The following EBF1 variants were observed in gnomAD, a reference collection of about 807,000 sequenced individuals.
EBF1 encodes the protein transcription factor COE1.
EBF1 carries 10 observed loss-of-function variants against 68.4 expected under a neutral mutation model. The ratio of observed to expected loss-of-function variants is 0.15; its 90% CI spans 0.09 to 0.25. EBF1 has a LOEUF of 0.25. Ranked by LOEUF, EBF1 falls within the 10% of genes least tolerant of loss-of-function variation. The probability of loss-of-function intolerance (pLI) is 1.00; values close to 1 mark genes in which losing one functional copy is unlikely to be tolerated. For missense variants in EBF1, 509 were observed against 794.4 expected, an observed-to-expected ratio of 0.64 and a Z score of 4.32; for synonymous variants, 298 against 299.8, an observed-to-expected ratio of 0.99 and a Z score of 0.06.
At chr5:159,082,674 G>C (rs1779942836) in intron 5 of EBF1, among the ~76,000 whole-genome samples, 1 of 152,156 alleles carries the variant, frequency 6.6e-6, no homozygotes, top group South Asian at 2.1e-4. Context: ...TAGATGACAG[G>C]TTTGTGTAAT....
In EBF1 at chr5:158,811,330, T is replaced by C. The variant is rs548464354; in HGVS notation, c.778+11846A>G. Among the ~76,000 whole-genome samples, 5 of 152,326 alleles carry C rather than the reference T, an allele frequency of 3.3e-5. 1 individual carries two copies. In the South Asian group the frequency reaches 8.3e-4, roughly 25 times the overall value. On this transcript the variant is annotated intron_variant, in intron 8 of 15. Coordinates refer to ENST00000313708, the MANE Select transcript of EBF1 (RefSeq NM_024007.5). ...TTTGTTTCAATTGAAGCAAGTATTA[T>C]ATTACATGCTCAAATAGCAGGAGAA...
At chr5:158,991,730 T>C (rs991164006) in intron 6 of EBF1, among the ~76,000 whole-genome samples, 1 of 152,356 alleles carries the variant, frequency 6.6e-6, no homozygotes, top group African/African-American at 2.4e-5. Context: ...TTGTTTAAAA[T>C]GTTCTTGGAG....
intron 6 of EBF1, among the ~76,000 whole-genome samples, chr5:158,902,608 T>C (rs576203844): frequency 6.7e-6 from 1 of 148,528 alleles, no homozygotes; most frequent in East Asian, 2.0e-4. Flanking sequence ...ATTATTATTA[T>C]TATTATTATT....
chr5:159,084,529 A>T (rs980119958), intron 5 of EBF1, 137 bp downstream of exon 5: 3 of 610,272 alleles, frequency 4.9e-6, no homozygotes, highest in Middle Eastern at 3.4e-4. Flanking sequence ...CACATCTAAC[A>T]GTTCTTTTTA....
chr5:158,998,855 A>T (rs1366443738), intron 6 of EBF1, among the ~76,000 whole-genome samples: 1 of 152,086 alleles, frequency 6.6e-6, no homozygotes, highest in Non-Finnish European at 1.5e-5. Context: ...TATTGACTTG[A>T]TCAAACAGAT....
At position 158,980,153 on chromosome 5, in the gene EBF1, A is replaced by C. The variant is rs539708140; in HGVS notation, c.554+93243T>G. ...AAAATGACTAGACCCCATTTCCTTC[A>C]ACAAAGATATTATTATTTGTCCTCT... On this transcript the variant is annotated intron_variant, in intron 6 of 15. Coordinates refer to ENST00000313708, the MANE Select transcript of EBF1 (RefSeq NM_024007.5). Among the ~76,000 whole-genome samples the C allele has an allele frequency of 3.3e-5, 5 of 152,352 alleles. No individual in the cohort carries two copies. In the South Asian group the frequency reaches 8.3e-4, roughly 25 times the overall value.
At chr5:159,044,555 CTCTT>C (rs1771929470) in intron 6 of EBF1, among the ~76,000 whole-genome samples, 2 of 152,210 alleles carry the variant, frequency 1.3e-5, no homozygotes, top group Non-Finnish European at 2.9e-5. Context: ...TCATTCCTCT[CTCTT>C]CCAGTGTAAG....
At chr5:158,868,306 T>A (rs981129939) in intron 6 of EBF1, among the ~76,000 whole-genome samples, 1 of 152,098 alleles carries the variant, frequency 6.6e-6, no homozygotes, top group Admixed American at 6.6e-5. Flanking sequence ...GTGTTAGAGA[T>A]GTTAGAGAGC....
At chr5:159,095,781 CAT>C in intron 3 of EBF1, 106 bp from the exon 4 acceptor site, 1 of 1,201,658 alleles carries the variant, frequency 8.3e-7, no homozygotes, top group Non-Finnish European at 1.2e-6. Context: ...CCCCCACACA[CAT>C]ATCACGAAAG....
chr5:159,049,078 C>A lies in EBF1; in HGVS notation c.554+24318G>T, dbSNP rs2127805651. On this transcript the variant is annotated intron_variant, in intron 6 of 15. Coordinates refer to ENST00000313708, the MANE Select transcript of EBF1 (RefSeq NM_024007.5). ...CAGGATTTCATTTGGCTCCTTTTTCCAACCTTAGCCCAGCATGCTAGCAGG... is the reference window on the plus strand; with the variant it reads ...CAGGATTTCATTTGGCTCCTTTTTCAAACCTTAGCCCAGCATGCTAGCAGG... Among the ~76,000 whole-genome samples the A allele has an allele frequency of 1.3e-5, 2 of 152,324 alleles. 1 individual carries two copies. Among genetic ancestry groups the A allele is most frequent in the East Asian group, 3.9e-4 (2 of 5,192 alleles).
intron 6 of EBF1, among the ~76,000 whole-genome samples, chr5:158,998,362 C>T (rs1761865123): frequency 6.6e-6 from 1 of 152,150 alleles, no homozygotes; most frequent in South Asian, 2.1e-4. Flanking sequence ...GCTCTAGCCC[C>T]TAACCCTGCC....
intron 6 of EBF1, among the ~76,000 whole-genome samples, chr5:158,907,207 C>T (rs1804831237): frequency 1.3e-5 from 2 of 152,162 alleles, no homozygotes; most frequent in African/African-American, 4.8e-5. Flanking sequence ...GGGACCCAGA[C>T]AGAAAAACAG....
intron 6 of EBF1, among the ~76,000 whole-genome samples, chr5:159,047,467 G>A (rs1772648859): frequency 6.6e-6 from 1 of 152,182 alleles, no homozygotes; most frequent in Admixed American, 6.5e-5. Context: ...AGGTGGCAGA[G>A]TTGGGGTGGC....
intron 6 of EBF1, among the ~76,000 whole-genome samples, chr5:158,879,429 T>C (rs2128085020): frequency 6.6e-6 from 1 of 152,276 alleles, no homozygotes; most frequent in African/African-American, 2.4e-5. Context: ...ACCTGAAAGA[T>C]AATGAATGTG....
chr5:158,803,351 G>GC (rs1780968783), intron 8 of EBF1, among the ~76,000 whole-genome samples: 1 of 92,286 alleles, frequency 1.1e-5, no homozygotes, highest in African/African-American at 4.8e-5. Flanking sequence ...TGTTTTTGCT[G>GC]GTGTTTTTTT....
At chr5:158,760,596 T>A (rs1771207361) in intron 10 of EBF1, among the ~76,000 whole-genome samples, 1 of 152,132 alleles carries the variant, frequency 6.6e-6, no homozygotes, top group African/African-American at 2.4e-5. Flanking sequence ...CAGCCGCAAC[T>A]ATTCCAACTC....
At chr5:158,749,058 C>T (rs1768197662) in intron 10 of EBF1, among the ~76,000 whole-genome samples, 1 of 152,104 alleles carries the variant, frequency 6.6e-6, no homozygotes, top group African/African-American at 2.4e-5. Context: ...ATGGCAATTC[C>T]CTGTGGAAGA....
At chr5:158,939,156 T>C (rs1812713663) in intron 6 of EBF1, among the ~76,000 whole-genome samples, 1 of 152,224 alleles carries the variant, frequency 6.6e-6, no homozygotes, top group Non-Finnish European at 1.5e-5. Flanking sequence ...TGCTACTCAT[T>C]GGCCTCACAT....
At chr5:159,046,049 T>C (rs1184767471) in intron 6 of EBF1, among the ~76,000 whole-genome samples, 1 of 152,138 alleles carries the variant, frequency 6.6e-6, no homozygotes, top group African/African-American at 2.4e-5. Flanking sequence ...CTTCCCAAAT[T>C]GATCTCCTTG....
Sources: gnomAD v4.1 joint callset for allele counts (sites outside exome capture counted in the v4.1 genomes callset) on GRCh38, gnomAD v4.1.1 for gene constraint, MANE v1.5 for transcripts, NCBI Gene and HGNC (gene_info 2026-07-23, HGNC 2026-07-21) for gene names.